Variants in MTNAP1 observed in about 807,000 individuals in gnomAD.
The protein encoded by MTNAP1 is mitochondrial nucleoid-associated protein 1.
the MTNAP1 span, among the ~76,000 whole-genome samples, chr17:73,240,919 C>G: frequency 6.6e-6 from 1 of 152,144 alleles, no homozygotes; most frequent in African/African-American, 2.4e-5. Flanking sequence ...AGAGAATTAT[C>G]TTCTGTGCAA....
the MTNAP1 span, chr17:73,245,543 T>A: frequency 1.0e-6 from 1 of 985,400 alleles, no homozygotes; most frequent in Non-Finnish European, 1.2e-6. Flanking sequence ...AAAGCTAGTA[T>A]CTCATTACCA....
chr17:73,244,789 C>T, the MTNAP1 span: 286 of 168,972 alleles, frequency 1.7e-3, 1 homozygote, highest in African/African-American at 6.5e-3. Context: ...GGTCCGACAG[C>T]AGGAACAAGG....
At chr17:73,241,789 C>T in the MTNAP1 span, among the ~76,000 whole-genome samples, 1 of 152,128 alleles carries the variant, frequency 6.6e-6, no homozygotes, top group African/African-American at 2.4e-5. Flanking sequence ...ATTAGCCTGG[C>T]GTGATGGCGT....
chr17:73,236,007 T>G, the MTNAP1 span: 1 of 1,614,198 alleles, frequency 6.2e-7, no homozygotes, highest in Non-Finnish European at 8.5e-7. Context: ...CTTTACTGGT[T>G]GGCTCAATAG....
At chr17:73,248,839 T>G in the MTNAP1 span, 4 of 331,792 alleles carry the variant, frequency 1.2e-5, no homozygotes. Context: ...CACATTAAAA[T>G]TTATTTTAGC....
the MTNAP1 span, chr17:73,236,554 C>A: frequency 1.9e-6 from 3 of 1,614,114 alleles, no homozygotes; most frequent in Non-Finnish European, 1.7e-6. Flanking sequence ...TTTGTTCATT[C>A]CGAGGGAGAC....
the MTNAP1 span, chr17:73,245,085 G>C: frequency 7.6e-7 from 1 of 1,308,352 alleles, no homozygotes. Context: ...AACAAAAAGA[G>C]AATGATCTGT....
the MTNAP1 span, among the ~76,000 whole-genome samples, chr17:73,238,467 A>G: frequency 2.6e-5 from 4 of 152,316 alleles, no homozygotes; most frequent in South Asian, 2.1e-4. Context: ...CTAAACCTCT[A>G]TTTGCCTGGT....
chr17:73,239,520 C>CTTTT, the MTNAP1 span, among the ~76,000 whole-genome samples: 184 of 141,528 alleles, frequency 1.3e-3, 3 homozygotes, highest in East Asian at 4.8e-3. Context: ...CTTCAGACAT[C>CTTTT]TTTTTTTTTT....
the MTNAP1 span, chr17:73,235,603 G>GTT: frequency 6.2e-7 from 1 of 1,614,130 alleles, no homozygotes; most frequent in East Asian, 2.2e-5. Context: ...TGATCAAAAA[G>GTT]TTTATCAGTC....
At chr17:73,245,888 C>T in the MTNAP1 span, 8 of 217,086 alleles carry the variant, frequency 3.7e-5, no homozygotes, top group African/African-American at 1.6e-4. Flanking sequence ...AATCCCACCC[C>T]TATCTATCCC....
the MTNAP1 span, chr17:73,248,735 C>G: frequency 3.3e-6 from 2 of 614,712 alleles, no homozygotes; most frequent in East Asian, 2.8e-5. Flanking sequence ...CACACGTGGT[C>G]TGTGTAAGTG....
At chr17:73,236,392 G>A in the MTNAP1 span, 1 of 1,614,134 alleles carries the variant, frequency 6.2e-7, no homozygotes, top group Non-Finnish European at 8.5e-7. Context: ...TACCCTGGGA[G>A]TAGAGACGTG....
chr17:73,248,354 G>T, the MTNAP1 span: 1 of 773,276 alleles, frequency 1.3e-6, no homozygotes, highest in Non-Finnish European at 2.1e-6. Flanking sequence ...GAAAGAAAAA[G>T]AACGTCTCTA....
At chr17:73,242,265 C>G in the MTNAP1 span, 1 of 1,597,594 alleles carries the variant, frequency 6.3e-7, no homozygotes. Context: ...GAACGAAGCT[C>G]AACTCATATA....
chr17:73,245,604 T>C, the MTNAP1 span: 4 of 985,416 alleles, frequency 4.1e-6, no homozygotes, highest in Non-Finnish European at 4.8e-6. Flanking sequence ...TACAGGAAAG[T>C]ATCTGAATTG....
the MTNAP1 span, among the ~76,000 whole-genome samples, chr17:73,239,577 G>T: frequency 1.4e-5 from 2 of 146,620 alleles, no homozygotes; most frequent in Admixed American, 6.9e-5. Flanking sequence ...GGAGTGCAAT[G>T]GCACAATCAC....
At chr17:73,245,031 A>G in the MTNAP1 span, 4 of 759,752 alleles carry the variant, frequency 5.3e-6, no homozygotes, top group Admixed American at 2.7e-5. Context: ...AGAAAGTGAA[A>G]CAAACTTCTC....
the MTNAP1 span, chr17:73,247,727 T>C: frequency 4.1e-5 from 7 of 171,018 alleles, no homozygotes; most frequent in African/African-American, 1.4e-4. Context: ...TTGACATTGG[T>C]AAGTACCAAG....
Sources: gnomAD v4.1 joint callset for allele counts (sites outside exome capture counted in the v4.1 genomes callset) on GRCh38, gnomAD v4.1.1 for gene constraint, MANE v1.5 for transcripts, NCBI Gene and HGNC (gene_info 2026-07-23, HGNC 2026-07-21) for gene names.